The following WDR7 variants were observed in gnomAD, a reference collection of about 807,000 sequenced individuals.
WDR7 encodes WD repeat domain 7.
Under a neutral mutation model 169.4 loss-of-function variants are expected in WDR7, and 46 were observed. The observed-to-expected ratio is 0.27, with a 90% CI of 0.21 to 0.35. The LOEUF (loss-of-function observed/expected upper bound fraction) is 0.35. Ranked by LOEUF, WDR7 falls within the 10% of genes least tolerant of loss-of-function variation. WDR7 has a pLI of 1.00. For synonymous variants in WDR7, 612 were observed against 666.8 expected (o/e 0.92, Z 1.27); for missense variants, 1,534 against 1,859.3 (o/e 0.83, Z 3.22).
chr18:56,895,068 C>A (rs1011007735), intron 21 of WDR7, among the ~76,000 whole-genome samples: 2 of 151,804 alleles, frequency 1.3e-5, no homozygotes, highest in African/African-American at 4.9e-5. Flanking sequence ...CATCCTTAGT[C>A]GGTTCACATT....
rs777010607 is a variant in WDR7, at chr18:56,696,238, A to G, written c.1358-4A>G. 5 of 1,595,994 alleles carry G rather than the reference A, an allele frequency of 3.1e-6. No homozygotes were observed. In the African/African-American group the frequency reaches 6.7e-5, roughly 21 times the overall value. On this transcript the variant is annotated splice_region_variant and splice_polypyrimidine_tract_variant and intron_variant, in intron 11 of 27. Coordinates refer to ENST00000254442, the MANE Select transcript of WDR7 (RefSeq NM_015285.3). ...CCATTTTAAATCCAAACCCTCATTC[A>G]CAGGTTGGCCACCTCACAGAACACT...
intron 12 of WDR7, among the ~76,000 whole-genome samples, chr18:56,714,917 T>C (rs1235029125): frequency 6.6e-6 from 1 of 152,178 alleles, no homozygotes; most frequent in Non-Finnish European, 1.5e-5. Context: ...CATCTCATAA[T>C]CTACTTTTTA....
At chr18:56,807,837 A>G (rs186476848) in intron 19 of WDR7, among the ~76,000 whole-genome samples, 4 of 152,278 alleles carry the variant, frequency 2.6e-5, no homozygotes, top group South Asian at 4.1e-4. Flanking sequence ...GTGGACTTTA[A>G]TAAACTAACT....
At chr18:56,885,639 G>A (rs2046178719) in intron 21 of WDR7, among the ~76,000 whole-genome samples, 2 of 138,306 alleles carry the variant, frequency 1.4e-5, no homozygotes, top group South Asian at 5.1e-4. Flanking sequence ...AGCTAACACG[G>A]TGAAACCCTG....
chr18:56,977,825 A>G (rs1211871070), intron 26 of WDR7, among the ~76,000 whole-genome samples: 1 of 152,216 alleles, frequency 6.6e-6, no homozygotes. Flanking sequence ...CCTTTATAGT[A>G]GTAAGAAAAC....
intron 19 of WDR7, among the ~76,000 whole-genome samples, chr18:56,788,816 C>G (rs2145105208): frequency 6.6e-6 from 1 of 152,136 alleles, no homozygotes; most frequent in Admixed American, 6.5e-5. Flanking sequence ...TTCACAAAGC[C>G]AATTGGAAAT....
At chr18:56,748,017 A>G (rs759354234) in intron 14 of WDR7, among the ~76,000 whole-genome samples, 4 of 152,076 alleles carry the variant, frequency 2.6e-5, no homozygotes, top group Admixed American at 6.5e-5. Context: ...GGGTTTCAGC[A>G]TATCTAGAAG....
At chr18:56,860,551 T>A (rs1214042) in intron 20 of WDR7, among the ~76,000 whole-genome samples, 128,645 of 152,150 alleles carry the variant, frequency 0.85, 54,536 homozygotes, top group East Asian at 0.98. Flanking sequence ...AAACCAGATC[T>A]CATGCAATTG....
chr18:56,695,775 T>A (rs1376235897), intron 11 of WDR7, among the ~76,000 whole-genome samples: 1 of 152,210 alleles, frequency 6.6e-6, no homozygotes, highest in Admixed American at 6.5e-5. Flanking sequence ...CCTCAAGTGA[T>A]CTGCCTGCCT....
intron 20 of WDR7, among the ~76,000 whole-genome samples, chr18:56,864,921 A>G (rs1161477029): frequency 6.6e-6 from 1 of 151,992 alleles, no homozygotes; most frequent in Non-Finnish European, 1.5e-5. Context: ...TTATTTTGAT[A>G]GATTAACCAG....
At chr18:56,700,412 T>A (rs564148548) in intron 12 of WDR7, among the ~76,000 whole-genome samples, 6 of 150,942 alleles carry the variant, frequency 4.0e-5, no homozygotes, top group Non-Finnish European at 8.9e-5. Flanking sequence ...ATGTGCCACC[T>A]TGCCCAGCTA....
chr18:57,022,237 C>A (rs988338225), intron 27 of WDR7, among the ~76,000 whole-genome samples: 18 of 152,320 alleles, frequency 1.2e-4, no homozygotes, highest in African/African-American at 4.1e-4. Context: ...TTGGGGTCCC[C>A]CCCGCCGCCA....
intron 12 of WDR7, among the ~76,000 whole-genome samples, chr18:56,716,734 A>G (rs145164503): frequency 4.8e-4 from 73 of 152,322 alleles, no homozygotes; most frequent in African/African-American, 1.5e-3. Flanking sequence ...ACTGTGGTCA[A>G]ACAACTTTGG....
chr18:56,696,376 G>A lies in WDR7; in HGVS notation c.1492G>A (p.Asp498Asn), dbSNP rs2025704262. 6.2e-7 allele frequency: 1 copy of A among 1,613,946 alleles called. No homozygotes were observed. The highest frequency in any genetic ancestry group is 1.7e-5 in the Admixed American group (1 of 59,990). The change falls in exon 12 of 28, where the codon GAC (aspartate) becomes AAC (asparagine). Residue 498 changes from aspartate to asparagine, a missense_variant. Physicochemically the swap from Asp to Asn is conservative, Grantham distance 23. Coordinates refer to ENST00000254442, the MANE Select transcript of WDR7 (RefSeq NM_015285.3). Reference protein sequence around the residue: ...GGVDFSVIIWDIFSGEMKHIF... With the variant: ...GGVDFSVIIWNIFSGEMKHIF... ...TGTGGATTTTTCAGTCATAATTTGG[G>A]ACATATTTTCTGGAGAAATGAAACA...
Position 56,816,086 on chromosome 18 carries a change from G to T in WDR7, c.3246G>T (p.Gly1082=), listed in dbSNP as rs759549995. ...TCACCACGGCTCCTGATGCCTCAGG[G>T]CCTGAAGCAAAAGTCCAGGAGGAAG... ...QTITTAPDAS[G]PEAKVQEEEH... Residue 1082 remains glycine, a synonymous_variant, in exon 20 of 28, where the codon GGG becomes GGT. Coordinates refer to ENST00000254442, the MANE Select transcript of WDR7 (RefSeq NM_015285.3). 6.2e-7 allele frequency: 1 copy of T among 1,613,822 alleles called. No homozygotes were observed. The highest frequency in any genetic ancestry group is 8.5e-7 in the Non-Finnish European group (1 of 1,179,904).
At chr18:56,926,338 A>C (rs972577879) in intron 22 of WDR7, among the ~76,000 whole-genome samples, 3 of 152,272 alleles carry the variant, frequency 2.0e-5, no homozygotes, top group Admixed American at 2.0e-4. Context: ...CTGTTATTGC[A>C]GCTCTCCTGG....
At chr18:56,775,690 T>C (rs1235004297) in intron 16 of WDR7, among the ~76,000 whole-genome samples, 1 of 152,166 alleles carries the variant, frequency 6.6e-6, no homozygotes, top group Non-Finnish European at 1.5e-5. Context: ...TTTGTGTTAT[T>C]TTTCATGGAC....
At chr18:56,841,127 A>G (rs1309314503) in intron 20 of WDR7, among the ~76,000 whole-genome samples, 1 of 152,158 alleles carries the variant, frequency 6.6e-6, no homozygotes, top group Non-Finnish European at 1.5e-5. Context: ...TGGGAGGTAA[A>G]CGTTACAGTG....
intron 26 of WDR7, among the ~76,000 whole-genome samples, chr18:56,975,698 G>A (rs555012041): frequency 2.0e-5 from 3 of 152,180 alleles, no homozygotes; most frequent in African/African-American, 4.8e-5. Flanking sequence ...GTAAAGCCTT[G>A]AACAAAATGC....
Sources: gnomAD v4.1 joint callset for allele counts (sites outside exome capture counted in the v4.1 genomes callset) on GRCh38, gnomAD v4.1.1 for gene constraint, MANE v1.5 for transcripts, NCBI Gene and HGNC (gene_info 2026-07-23, HGNC 2026-07-21) for gene names.